Variants in GPC5 observed in about 807,000 individuals in gnomAD.
GPC5 encodes glypican 5.
In GPC5, 47 loss-of-function variants were observed where a neutral mutation model predicts 53.9. The ratio of observed to expected loss-of-function variants is 0.87; its 90% CI spans 0.69 to 1.11. The LOEUF (loss-of-function observed/expected upper bound fraction) is 1.11. GPC5 is among the 50% of genes most tolerant of loss of function. GPC5 has a pLI of 0.00. For synonymous variants in GPC5, 286 were observed against 263.3 expected (o/e 1.09, Z -0.84); for missense variants, 748 against 713.1 (o/e 1.05, Z -0.56).
chr13:91,876,536 T>C (rs887014308), intron 5 of GPC5, among the ~76,000 whole-genome samples: 2 of 152,110 alleles, frequency 1.3e-5, no homozygotes, highest in South Asian at 2.1e-4. Flanking sequence ...GCCTAGAGAT[T>C]TGTGGAACTT....
At chr13:92,608,187 AGT>A (rs1420578386) in intron 7 of GPC5, among the ~76,000 whole-genome samples, 1 of 152,182 alleles carries the variant, frequency 6.6e-6, no homozygotes, top group Non-Finnish European at 1.5e-5. Flanking sequence ...GTTTGGAGAG[AGT>A]CAAAAATTAT....
chr13:91,518,747 G>A (rs1371166121), intron 2 of GPC5, among the ~76,000 whole-genome samples: 1 of 152,106 alleles, frequency 6.6e-6, no homozygotes, highest in Non-Finnish European at 1.5e-5. Context: ...TAGACATGGG[G>A]TTTCACAGTG....
At chr13:92,847,659 G>A (rs1878657267) in intron 7 of GPC5, among the ~76,000 whole-genome samples, 1 of 151,886 alleles carries the variant, frequency 6.6e-6, no homozygotes, top group South Asian at 2.1e-4. Flanking sequence ...CCCAGTCTCA[G>A]GTAGTTCTTT....
At chr13:91,474,323 T>G (rs1363651605) in intron 2 of GPC5, among the ~76,000 whole-genome samples, 1 of 152,152 alleles carries the variant, frequency 6.6e-6, no homozygotes, top group Non-Finnish European at 1.5e-5. Context: ...TGAAGTTGGT[T>G]TCTTGTCTTT....
chr13:92,608,079 A>G (rs778012981), intron 7 of GPC5, among the ~76,000 whole-genome samples: 1 of 152,250 alleles, frequency 6.6e-6, no homozygotes, highest in Admixed American at 6.5e-5. Context: ...GATACTGTAT[A>G]TAATACATAT....
At chr13:92,319,220 G>A (rs969941261) in intron 7 of GPC5, among the ~76,000 whole-genome samples, 3 of 151,992 alleles carry the variant, frequency 2.0e-5, no homozygotes, top group African/African-American at 7.3e-5. Flanking sequence ...ATTTGAATAT[G>A]CAGTTGTTAC....
chr13:91,817,900 T>G (rs554678045), intron 5 of GPC5, among the ~76,000 whole-genome samples: 1 of 152,322 alleles, frequency 6.6e-6, no homozygotes, highest in East Asian at 1.9e-4. Flanking sequence ...GTTCATGTAT[T>G]TTTTCTTTCC....
rs2037823074 is a variant in GPC5 at position 91,783,077 on chromosome 13, A to AC, written c.1280+26661dup. Among the ~76,000 whole-genome samples the AC allele has an allele frequency of 2.0e-5, 3 of 152,050 alleles. No homozygotes were observed. In the South Asian group the frequency reaches 6.2e-4, roughly 31 times the overall value. On this transcript the variant is annotated intron_variant, in intron 5 of 7. Coordinates refer to ENST00000377067, the MANE Select transcript of GPC5 (RefSeq NM_004466.6). ...AGACCACCCTGGCCAACATGGTGAA[A>AC]CCCCATCTCTACTAAACATACCAAA...
chr13:92,271,930 AAAAT>A (rs1469983424), intron 7 of GPC5, among the ~76,000 whole-genome samples: 3 of 152,222 alleles, frequency 2.0e-5, no homozygotes, highest in South Asian at 2.1e-4. Context: ...CATAAGTAAA[AAAAT>A]AAAGCCTCAA....
chr13:92,008,059 ATTTTTT>A (rs33911884), intron 6 of GPC5, among the ~76,000 whole-genome samples: 1 of 127,204 alleles, frequency 7.9e-6, no homozygotes, highest in African/African-American at 2.9e-5. Flanking sequence ...AATGAGAATA[ATTTTTT>A]TTTTTTTTTT....
intron 7 of GPC5, among the ~76,000 whole-genome samples, chr13:92,469,468 T>C (rs1878827213): frequency 6.6e-6 from 1 of 152,164 alleles, no homozygotes; most frequent in East Asian, 1.9e-4. Flanking sequence ...AGCAGAAAAG[T>C]TAAATCATTA....
chr13:92,029,926 A>T (rs201177108), intron 6 of GPC5, among the ~76,000 whole-genome samples: 1 of 152,158 alleles, frequency 6.6e-6, no homozygotes, highest in Non-Finnish European at 1.5e-5. Flanking sequence ...TTAACCATGA[A>T]TCCGTTCCTT....
chr13:92,390,403 A>G (rs1371239492), intron 7 of GPC5, among the ~76,000 whole-genome samples: 3 of 152,108 alleles, frequency 2.0e-5, no homozygotes, highest in Non-Finnish European at 4.4e-5. Flanking sequence ...ATTTTTTTCA[A>G]AAACATAAGC....
At chr13:92,021,045 T>TCCAGTTTTCAACACCATTTG (rs1306342033) in intron 6 of GPC5, among the ~76,000 whole-genome samples, 1 of 152,186 alleles carries the variant, frequency 6.6e-6, no homozygotes, top group African/African-American at 2.4e-5. Context: ...CATGTTGGTA[T>TCCAGTTTTCAACACCATTTG]CCAGTTTTCA....
intron 7 of GPC5, among the ~76,000 whole-genome samples, chr13:92,596,272 A>G (rs1222702726): frequency 1.3e-5 from 2 of 152,190 alleles, no homozygotes; most frequent in Non-Finnish European, 2.9e-5. Flanking sequence ...GGAAGCAATG[A>G]AAGAAACGTT....
chr13:92,852,275 G>A (rs371015852), intron 7 of GPC5, among the ~76,000 whole-genome samples: 9 of 152,252 alleles, frequency 5.9e-5, no homozygotes, highest in East Asian at 3.9e-4. Flanking sequence ...ACGTTGTAGC[G>A]TGTTTAGCAA....
intron 7 of GPC5, among the ~76,000 whole-genome samples, chr13:92,547,430 T>C (rs1882157905): frequency 6.6e-6 from 1 of 152,210 alleles, no homozygotes. Context: ...TACCTGTTTA[T>C]TTTCAGCTGA....
intron 7 of GPC5, among the ~76,000 whole-genome samples, chr13:92,369,249 T>A (rs1395285879): frequency 6.6e-6 from 1 of 152,218 alleles, no homozygotes; most frequent in Non-Finnish European, 1.5e-5. Context: ...AGTGGTGTGA[T>A]TTCAGTTCAC....
At chr13:92,491,926 T>C (rs773564959) in intron 7 of GPC5, among the ~76,000 whole-genome samples, 1 of 152,188 alleles carries the variant, frequency 6.6e-6, no homozygotes, top group Non-Finnish European at 1.5e-5. Flanking sequence ...AGTTGAAATA[T>C]ATCCTTAGCC....
Sources: gnomAD v4.1 joint callset for allele counts (sites outside exome capture counted in the v4.1 genomes callset) on GRCh38, gnomAD v4.1.1 for gene constraint, MANE v1.5 for transcripts, NCBI Gene and HGNC (gene_info 2026-07-23, HGNC 2026-07-21) for gene names.